GCA: variants seen among roughly 807,000 people sequenced by gnomAD.
GCA encodes the protein grancalcin, EF-hand calcium-binding protein.
In GCA, 30 loss-of-function variants were observed where a neutral mutation model predicts 32.6. The observed-to-expected ratio is 0.92, with a 90% CI of 0.69 to 1.25. GCA has a LOEUF of 1.25. Ranked by LOEUF, GCA falls within the 50% of genes most tolerant of loss-of-function variation. The probability of loss-of-function intolerance (pLI) is 0.00; values close to 1 mark genes in which losing one functional copy is unlikely to be tolerated. For missense variants in GCA, 291 were observed against 266.8 expected (o/e 1.09, Z -0.63); for synonymous variants, 102 against 84.6 (o/e 1.21, Z -1.13).
intron 1 of GCA, among the ~76,000 whole-genome samples, chr2:162,345,752 T>C (rs1478912218): frequency 6.6e-6 from 1 of 152,212 alleles, no homozygotes; most frequent in African/African-American, 2.4e-5. Flanking sequence ...TTTTAAAAAA[T>C]GTAATTGAAA....
intron 1 of GCA, among the ~76,000 whole-genome samples, chr2:162,345,243 A>G (rs775198128): frequency 6.6e-5 from 10 of 151,994 alleles, no homozygotes; most frequent in Non-Finnish European, 1.3e-4. Flanking sequence ...ACTTGCCTCA[A>G]TCCCCTCTGG....
chr2:162,352,804 C>A (rs1685068990), intron 3 of GCA, among the ~76,000 whole-genome samples: 1 of 152,186 alleles, frequency 6.6e-6, no homozygotes, highest in Admixed American at 6.5e-5. Context: ...GAACATTTCC[C>A]ATCCTCCTGT....
chr2:162,361,848 T>A lies in GCA; in HGVS notation c.*1605T>A, dbSNP rs749609714. ...CAAATGTGAAAACACTAAGTGTCGT[T>A]CACATCGAATGGTGATAATGTCGCT... is the stretch of plus-strand genomic sequence containing the variant. On this transcript the variant is annotated 3_prime_UTR_variant, in exon 8 of 8. Coordinates refer to ENST00000437150, the MANE Select transcript of GCA (RefSeq NM_012198.5). The A allele has an allele frequency of 7.5e-5, 74 of 983,852 alleles. No individual in the cohort carries two copies. Among genetic ancestry groups the A allele is most frequent in the Non-Finnish European group, 8.3e-5 (69 of 828,796 alleles). 60.9% of individuals were successfully genotyped at this position (983,852 alleles called of 1,614,324 possible). A position where few individuals can be genotyped will look rare whatever the true frequency, so the allele number is the denominator to read the frequency against.
intron 4 of GCA, among the ~76,000 whole-genome samples, chr2:162,370,483 A>G (rs1685894026): frequency 6.6e-6 from 1 of 152,180 alleles, no homozygotes. Context: ...AGTTGAAGAT[A>G]TTTTAATTGA....
chr2:162,373,544 T>G, downstream of GCA: 1 of 1,591,614 alleles, frequency 6.3e-7, no homozygotes, highest in Non-Finnish European at 8.6e-7. Flanking sequence ...AGCTGGATGA[T>G]GGGTCTCTGA....
intron 1 of GCA, among the ~76,000 whole-genome samples, chr2:162,332,105 C>G (rs4664466): frequency 1.3e-5 from 2 of 151,688 alleles, no homozygotes; most frequent in African/African-American, 4.8e-5. Context: ...GTCAGGAGAT[C>G]GAGACCATCC....
At chr2:162,347,124 T>A (rs1684750107) in intron 1 of GCA, among the ~76,000 whole-genome samples, 1 of 152,258 alleles carries the variant, frequency 6.6e-6, no homozygotes, top group Non-Finnish European at 1.5e-5. Flanking sequence ...TTTAAATAGT[T>A]GTAAAGAATA....
chr2:162,362,072 A>G lies in GCA; in HGVS notation c.*1829A>G. ...TCTTTAACACAATTTTCATTTAAAAATGTTCTTATGACTTTTGGTCATAGA... is the reference window on the plus strand; with the variant it reads ...TCTTTAACACAATTTTCATTTAAAAGTGTTCTTATGACTTTTGGTCATAGA... On this transcript the variant is annotated 3_prime_UTR_variant, in exon 8 of 8. Coordinates refer to ENST00000437150, the MANE Select transcript of GCA (RefSeq NM_012198.5). 9 of 982,804 alleles carry G rather than the reference A, an allele frequency of 9.2e-6. No individual in the cohort carries two copies. Among genetic ancestry groups the G allele is most frequent in the Non-Finnish European group, 1.1e-5 (9 of 827,756 alleles). 60.9% of individuals were successfully genotyped at this position (982,804 alleles called of 1,614,324 possible). A position where few individuals can be genotyped will look rare whatever the true frequency, so the allele number is the denominator to read the frequency against.
In GCA at chr2:162,361,976, G is replaced by A; in HGVS notation, c.*1733G>A. ...CTCTTACTTGGAGGCTCACAGTTGA[G>A]GTAAAACTTTTAAAATGACAAATGG... is the stretch of plus-strand genomic sequence containing the variant. On this transcript the variant is annotated 3_prime_UTR_variant, in exon 8 of 8. Transcript: ENST00000437150. The A allele has an allele frequency of 1.0e-6, 1 of 983,126 alleles. No individual in the cohort carries two copies. The highest frequency in any genetic ancestry group is 1.2e-6 in the Non-Finnish European group (1 of 828,106). The allele number at this position is 983,126 out of a possible 1,614,324, so 60.9% of individuals were successfully genotyped here. A position where few individuals can be genotyped will look rare whatever the true frequency, so the allele number is the denominator to read the frequency against.
At chr2:162,359,630 T>C (rs1685472054) in intron 7 of GCA, 78 bp downstream of exon 7, 6 of 661,512 alleles carry the variant, frequency 9.1e-6, no homozygotes, top group Non-Finnish European at 1.3e-5. Context: ...TGATCCCAAG[T>C]ACCAGTACTG....
At position 162,344,233 on chromosome 2, in the gene GCA, G is replaced by A; in HGVS notation, c.-16G>A. On this transcript the variant is annotated 5_prime_UTR_variant, in exon 1 of 8. Coordinates refer to ENST00000437150, the MANE Select transcript of GCA (RefSeq NM_012198.5). ...GCGACTCGAGGGTGACGCTCGCTCC[G>A]CTCGTCCCGCTCGTCATGGCCTACC... is the stretch of plus-strand genomic sequence containing the variant. 1 of 1,613,626 alleles carries A rather than the reference G, an allele frequency of 6.2e-7. No individual in the cohort carries two copies. Among genetic ancestry groups the A allele is most frequent in the Non-Finnish European group, 8.5e-7 (1 of 1,179,856 alleles).
At chr2:162,371,176 T>G in intron 4 of GCA, 1 of 355,404 alleles carries the variant, frequency 2.8e-6, no homozygotes, top group Non-Finnish European at 5.5e-6. Context: ...GGTTTGTAAA[T>G]GCAATTGGTG....
upstream of GCA, among the ~76,000 whole-genome samples, chr2:162,342,667 C>T (rs545591272): frequency 3.3e-5 from 5 of 152,324 alleles, no homozygotes; most frequent in East Asian, 9.6e-4. Context: ...CCCAACTGCA[C>T]AAATGCAGCT....
At chr2:162,330,556 T>C (rs1161483059) in intron 1 of GCA, among the ~76,000 whole-genome samples, 1 of 152,198 alleles carries the variant, frequency 6.6e-6, no homozygotes, top group African/African-American at 2.4e-5. Flanking sequence ...CAGTCCCTTT[T>C]TGTGAGCCAA....
exon 1 of GCA, chr2:162,319,072 C>T (rs1190330174): frequency 2.3e-6 from 1 of 444,154 alleles, no homozygotes; most frequent in African/African-American, 2.0e-5. Flanking sequence ...GCAGGCCTGG[C>T]TGAGGGTGGT....
chr2:162,327,279 G>A (rs541757486), intron 1 of GCA, among the ~76,000 whole-genome samples: 1 of 152,260 alleles, frequency 6.6e-6, no homozygotes, highest in Admixed American at 6.5e-5. Context: ...TATCTCAAAC[G>A]TGCCTTGCTG....
downstream of GCA, among the ~76,000 whole-genome samples, chr2:162,364,099 G>A (rs1421582239): frequency 6.6e-6 from 1 of 151,508 alleles, no homozygotes; most frequent in Non-Finnish European, 1.5e-5. Flanking sequence ...GGAGTGATTA[G>A]GTCCTAATTC....
chr2:162,373,543 A>G, downstream of GCA: 1 of 1,591,382 alleles, frequency 6.3e-7, no homozygotes, highest in Non-Finnish European at 8.6e-7. Context: ...CAGCTGGATG[A>G]TGGGTCTCTG....
rs1685464792 is a variant in GCA, at chr2:162,359,522, A to G, written c.597A>G (p.Gln199=). ...TCTTTAGGAAAAGAGACCACTTGCA[A>G]CAAGGGTCTGCGAATTTCATATATG... ...TDFFRKRDHL[Q]QGSANFIYDD... The change falls in exon 7 of 8, where the codon CAA becomes CAG. Residue 199 remains glutamine (Q), a synonymous_variant. Transcript: ENST00000437150. The G allele has an allele frequency of 4.5e-6, 7 of 1,548,774 alleles. No homozygotes were observed. The South Asian group carries it at 5.8e-5, about 13-fold the overall frequency.
Sources: gnomAD v4.1 joint callset for allele counts (sites outside exome capture counted in the v4.1 genomes callset) on GRCh38, gnomAD v4.1.1 for gene constraint, MANE v1.5 for transcripts, NCBI Gene and HGNC (gene_info 2026-07-23, HGNC 2026-07-21) for gene names.